The following TYW1B variants were observed in gnomAD, a reference collection of about 807,000 sequenced individuals.
The protein encoded by TYW1B is S-adenosyl-L-methionine-dependent tRNA 4-demethylwyosine synthase TYW1B.
In TYW1B, 73 loss-of-function variants were observed where a neutral mutation model predicts 86.9. The observed-to-expected ratio is 0.84, with a 90% confidence interval of 0.70 to 1.02. TYW1B has a LOEUF of 1.02. Ranked by LOEUF, TYW1B falls within the 50% of genes least tolerant of loss-of-function variation. The pLI is 0.00. For synonymous variants in TYW1B, 248 were observed against 292.8 expected, an observed-to-expected ratio of 0.85 and a Z score of 1.56; for missense variants, 637 against 827.4, an observed-to-expected ratio of 0.77 and a Z score of 2.82.
chr7:72,797,479 T>C (rs1788324694), intron 6 of TYW1B, among the ~76,000 whole-genome samples: 2 of 152,168 alleles, frequency 1.3e-5, no homozygotes, highest in Non-Finnish European at 2.9e-5. Context: ...CATTTGACCG[T>C]TTCTGATCTG....
intron 10 of TYW1B, among the ~76,000 whole-genome samples, chr7:72,697,243 A>C (rs1464958879): frequency 6.6e-6 from 1 of 152,090 alleles, no homozygotes; most frequent in Non-Finnish European, 1.5e-5. Flanking sequence ...ATCATTTACA[A>C]AATAGGAAGG....
rs1207083326 is a variant in TYW1B at position 72,782,693 on chromosome 7, A to G, written c.847-5160T>C. The stretch of plus-strand genomic sequence containing the variant: ...GGAGTTTGAGACCAGTCTGGCCAAC[A>G]TGGCAAAACCCCATTTCTACTAAAA... On this transcript the variant is annotated intron_variant, in intron 6 of 13. Transcript: ENST00000620995. Among the ~76,000 whole-genome samples the G allele has an allele frequency of 2.0e-5, 3 of 152,102 alleles. No homozygotes were observed. The South Asian group carries it at 6.2e-4, about 32-fold the overall frequency.
intron 8 of TYW1B, among the ~76,000 whole-genome samples, chr7:72,740,309 A>G (rs1315391964): frequency 3.9e-5 from 6 of 151,962 alleles, no homozygotes; most frequent in Admixed American, 1.3e-4. Flanking sequence ...CTGAGGCATG[A>G]GAATTGCTTG....
chr7:72,583,229 A>C (rs542553708), intron 13 of TYW1B, among the ~76,000 whole-genome samples: 1 of 152,290 alleles, frequency 6.6e-6, no homozygotes, highest in Admixed American at 6.5e-5. Flanking sequence ...AGCCTCCTGC[A>C]GTCCCAGCTA....
chr7:72,591,061 T>C (rs553647695), intron 13 of TYW1B, among the ~76,000 whole-genome samples: 201 of 152,020 alleles, frequency 1.3e-3, no homozygotes, highest in African/African-American at 4.7e-3. Context: ...GAAAAATTCA[T>C]TAGAAGAATT....
chr7:72,696,613 A>G (rs1814326703), intron 10 of TYW1B, among the ~76,000 whole-genome samples: 1 of 152,182 alleles, frequency 6.6e-6, no homozygotes, highest in African/African-American at 2.4e-5. Context: ...TTATCCAGCC[A>G]CACAGGCAGA....
chr7:72,615,793 A>C (rs1169100645), intron 13 of TYW1B, among the ~76,000 whole-genome samples: 103 of 152,240 alleles, frequency 6.8e-4, no homozygotes, highest in Non-Finnish European at 1.0e-4. Flanking sequence ...AAAAACATAA[A>C]ATACAAAATT....
At chr7:72,583,169 C>T (rs1243615187) in intron 13 of TYW1B, among the ~76,000 whole-genome samples, 3 of 152,112 alleles carry the variant, frequency 2.0e-5, no homozygotes, top group African/African-American at 7.2e-5. Flanking sequence ...TCAAGACCAG[C>T]CTGGCCAACA....
intron 11 of TYW1B, among the ~76,000 whole-genome samples, chr7:72,679,692 T>A (rs2129569914): frequency 6.6e-6 from 1 of 152,300 alleles, no homozygotes; most frequent in Admixed American, 6.5e-5. Context: ...AAAAACGTAA[T>A]TTTTTATTTT....
In TYW1B at chr7:72,609,844, G is replaced by A. The variant is rs192491241; in HGVS notation, c.1785+6828C>T. Among the ~76,000 whole-genome samples, 128 of 152,218 alleles carry A rather than the reference G, an allele frequency of 8.4e-4. 1 individual carries two copies. The highest frequency in any genetic ancestry group is 6.8e-3 in the Middle Eastern group (2 of 294). On this transcript the variant is annotated intron_variant, in intron 13 of 13. Transcript: ENST00000620995. Reference sequence around the variant, plus strand: ...AGATCAACAACGAAAAGGAAAAGACGTGCCAGAAAACACATAATTGGAAGG... The same window carrying A: ...AGATCAACAACGAAAAGGAAAAGACATGCCAGAAAACACATAATTGGAAGG...
chr7:72,631,632 A>C (rs1554439796), intron 11 of TYW1B, among the ~76,000 whole-genome samples: 1 of 152,252 alleles, frequency 6.6e-6, no homozygotes, highest in Non-Finnish European at 1.5e-5. Context: ...GGCCAGGATA[A>C]GAATTACTGG....
At chr7:72,646,304 C>T (rs1388349480) in intron 11 of TYW1B, among the ~76,000 whole-genome samples, 8 of 151,752 alleles carry the variant, frequency 5.3e-5, no homozygotes, top group Non-Finnish European at 8.8e-5. Flanking sequence ...TCAAGTGATC[C>T]GCACACCTTG....
At chr7:72,803,638 G>C (rs1788443838) in intron 5 of TYW1B, among the ~76,000 whole-genome samples, 1 of 152,080 alleles carries the variant, frequency 6.6e-6, no homozygotes. Context: ...TGTTGTTGTT[G>C]AGTCTCGTTC....
At chr7:72,818,255 A>T (rs781792335) in intron 2 of TYW1B, among the ~76,000 whole-genome samples, 1 of 151,864 alleles carries the variant, frequency 6.6e-6, no homozygotes, top group Non-Finnish European at 1.5e-5. Context: ...TTTCTTTATA[A>T]ATCACAGTAT....
Position 72,809,980 on chromosome 7 carries a change from T to C in TYW1B, c.432+491A>G, listed in dbSNP as rs111680764. Among the ~76,000 whole-genome samples the C allele has an allele frequency of 4.8e-3, 472 of 99,320 alleles. 4 individuals are homozygous for C. Among genetic ancestry groups the C allele is most frequent in the African/African-American group, 0.017 (441 of 25,644 alleles). 65.2% of individuals were successfully genotyped at this position (99,320 alleles called of 152,430 possible). A position where few individuals can be genotyped will look rare whatever the true frequency, so the allele number is the denominator to read the frequency against. ...ACGCCACTGCACTCCAGCTGGGGGA[T>C]AGAGCAAGACTCTGTTTCCAAAAAA... On this transcript the variant is annotated intron_variant, in intron 4 of 13. Coordinates refer to ENST00000620995, the MANE Select transcript of TYW1B (RefSeq NM_001145440.3).
rs572249182 is a variant in TYW1B, at chr7:72,677,115, C to T, written c.1506+17572G>A. Among the ~76,000 whole-genome samples the T allele has an allele frequency of 2.0e-5, 3 of 152,208 alleles. No individual in the cohort carries two copies. In the South Asian group the frequency reaches 6.2e-4, roughly 32 times the overall value. ...CTTTAGAAGGGTGAACTTCTTCTTTCTCTCTCTCTGTATGTATGTATGCAT... is the reference window on the plus strand; with the variant it reads ...CTTTAGAAGGGTGAACTTCTTCTTTTTCTCTCTCTGTATGTATGTATGCAT... On this transcript the variant is annotated intron_variant, in intron 11 of 13. Coordinates refer to ENST00000620995, the MANE Select transcript of TYW1B (RefSeq NM_001145440.3).
intron 13 of TYW1B, among the ~76,000 whole-genome samples, chr7:72,604,459 C>A (rs1201521668): frequency 6.6e-6 from 1 of 151,832 alleles, no homozygotes; most frequent in Non-Finnish European, 1.5e-5. Context: ...GAGACTCTGT[C>A]TCAAAAAATA....
At chr7:72,723,873 C>A (rs1160415854) in intron 9 of TYW1B, among the ~76,000 whole-genome samples, 11 of 151,874 alleles carry the variant, frequency 7.2e-5, no homozygotes, top group African/African-American at 2.7e-4. Flanking sequence ...TCAAAGTTAT[C>A]ATTTTAAAAG....
In TYW1B at chr7:72,612,758, AT is replaced by A. The variant is rs1161634059; in HGVS notation, c.1785+3913del. On this transcript the variant is annotated intron_variant, in intron 13 of 13. Transcript: ENST00000620995. ...CAAAAACCATTTCTTTTATTTATTTATTTTTTTTTTTGAGATGGTCTCACTC... is the reference window on the plus strand; with the variant it reads ...CAAAAACCATTTCTTTTATTTATTTATTTTTTTTTTGAGATGGTCTCACTC... Among the ~76,000 whole-genome samples, 805 of 150,240 alleles carry A rather than the reference AT, an allele frequency of 5.4e-3. 10 individuals are homozygous for A. The highest frequency in any genetic ancestry group is 0.018 in the African/African-American group (754 of 41,026).
Sources: allele counts gnomAD v4.1 joint callset (sites outside exome capture counted in the v4.1 genomes callset), GRCh38; gene constraint gnomAD v4.1.1; transcripts MANE v1.5; gene names NCBI Gene and HGNC (gene_info 2026-07-23, HGNC 2026-07-21).